ROBO2: variants seen among roughly 807,000 people sequenced by gnomAD.
The protein encoded by ROBO2 is roundabout homolog 2.
In ROBO2, 53 loss-of-function variants were observed where a neutral mutation model predicts 160.8. The observed-to-expected ratio is 0.33, with a 90% CI of 0.26 to 0.41. ROBO2 has a LOEUF of 0.41. Among genes scored for constraint, ROBO2 ranks in the 10% least tolerant of loss-of-function variants. ROBO2 has a pLI of 1.00. For missense variants in ROBO2, 1,577 were observed against 1,722.4 expected, an observed-to-expected ratio of 0.92 and a Z score of 1.49; for synonymous variants, 664 against 611.7, an observed-to-expected ratio of 1.09 and a Z score of -1.26.
At chr3:75,922,373 T>G (rs925447288) in intron 1 of ROBO2, among the ~76,000 whole-genome samples, 7 of 152,100 alleles carry the variant, frequency 4.6e-5, no homozygotes, top group Non-Finnish European at 1.0e-4. Flanking sequence ...ACAGAAAATT[T>G]TTTAAAAAAT....
At chr3:76,049,383 G>GTGTATGTATA (rs1440395230) in intron 2 of ROBO2, among the ~76,000 whole-genome samples, 2 of 36,812 alleles carry the variant, frequency 5.4e-5, no homozygotes, top group African/African-American at 1.1e-4. Flanking sequence ...GCTAATTTTA[G>GTGTATGTATA]TATATATATA....
intron 2 of ROBO2, among the ~76,000 whole-genome samples, chr3:77,439,197 A>T (rs2079644764): frequency 6.6e-6 from 1 of 152,096 alleles, no homozygotes; most frequent in Non-Finnish European, 1.5e-5. Flanking sequence ...TGTCCCTTAA[A>T]TTAATAGCAA....
At chr3:76,092,392 A>G (rs2069271925) in intron 2 of ROBO2, among the ~76,000 whole-genome samples, 1 of 152,180 alleles carries the variant, frequency 6.6e-6, no homozygotes, top group African/African-American at 2.4e-5. Flanking sequence ...CTTGATTCTA[A>G]ATAGCTAACC....
intron 2 of ROBO2, among the ~76,000 whole-genome samples, chr3:76,003,743 C>G (rs1324646970): frequency 6.6e-6 from 1 of 152,222 alleles, no homozygotes; most frequent in Non-Finnish European, 1.5e-5. Context: ...TTTAGCATTT[C>G]TGGGTTTTGG....
chr3:76,161,832 G>A (rs530014078), intron 2 of ROBO2, among the ~76,000 whole-genome samples: 1 of 152,186 alleles, frequency 6.6e-6, no homozygotes, highest in Non-Finnish European at 1.5e-5. Flanking sequence ...AATTCCACAA[G>A]AGGATGATTC....
At chr3:76,320,154 A>G (rs1314508327) in intron 2 of ROBO2, among the ~76,000 whole-genome samples, 1 of 152,096 alleles carries the variant, frequency 6.6e-6, no homozygotes, top group Non-Finnish European at 1.5e-5. Context: ...ATTAAGTAGG[A>G]TATTATCCAA....
At chr3:76,612,822 A>G (rs1008291802) in intron 2 of ROBO2, among the ~76,000 whole-genome samples, 1 of 152,218 alleles carries the variant, frequency 6.6e-6, no homozygotes, top group African/African-American at 2.4e-5. Context: ...CTTTATGATT[A>G]TATAACGATC....
At chr3:76,204,628 C>T (rs959825815) in intron 2 of ROBO2, among the ~76,000 whole-genome samples, 2 of 152,190 alleles carry the variant, frequency 1.3e-5, no homozygotes, top group African/African-American at 4.8e-5. Flanking sequence ...TGTGTTTGCT[C>T]TCCCACTTCT....
intron 2 of ROBO2, among the ~76,000 whole-genome samples, chr3:76,664,493 A>C (rs1162924967): frequency 6.6e-6 from 1 of 152,214 alleles, no homozygotes; most frequent in African/African-American, 2.4e-5. Context: ...CATACATAGG[A>C]AACGTCCAGA....
chr3:76,283,241 T>C (rs1708339740), intron 2 of ROBO2, among the ~76,000 whole-genome samples: 2 of 145,918 alleles, frequency 1.4e-5, no homozygotes, highest in South Asian at 4.4e-4. Context: ...GTCAGACATA[T>C]TTACGCTGTC....
At chr3:76,610,087 T>C (rs1462580932) in intron 2 of ROBO2, among the ~76,000 whole-genome samples, 1 of 152,184 alleles carries the variant, frequency 6.6e-6, no homozygotes, top group African/African-American at 2.4e-5. Context: ...TTTTTTAACG[T>C]GTTGTTAAAT....
intron 2 of ROBO2, among the ~76,000 whole-genome samples, chr3:77,279,282 A>T (rs2060093120): frequency 6.6e-6 from 1 of 152,082 alleles, no homozygotes. Flanking sequence ...TTTGAGTTTA[A>T]TACAGTGTAC....
rs557789762 is a variant in ROBO2, at chr3:77,392,105, T to C, written c.389-85309T>C. Among the ~76,000 whole-genome samples, 3 of 152,332 alleles carry C rather than the reference T, an allele frequency of 2.0e-5. No individual in the cohort carries two copies. In the East Asian group the frequency reaches 5.8e-4, roughly 29 times the overall value. The stretch of plus-strand genomic sequence containing the variant: ...AGGCTGGCATTTTAGTTTGGAAGTA[T>C]ATTCATCTATTCTTTGACTTCATAA... On this transcript the variant is annotated intron_variant, in intron 2 of 25. Transcript: ENST00000461745.
At chr3:76,683,668 A>G (rs2324657) in intron 2 of ROBO2, among the ~76,000 whole-genome samples, 86,660 of 151,834 alleles carry the variant, frequency 0.57, 26,214 homozygotes, top group East Asian at 0.78. Flanking sequence ...GATCTTATAT[A>G]CATTTGTTAG....
intron 2 of ROBO2, among the ~76,000 whole-genome samples, chr3:76,996,109 A>C (rs1407198179): frequency 1.3e-5 from 2 of 152,160 alleles, no homozygotes; most frequent in African/African-American, 2.4e-5. Flanking sequence ...TCTTTAATCC[A>C]TCTTGAATTA....
rs78180752 is a variant in ROBO2 at position 76,812,435 on chromosome 3, G to A, written c.110-285579G>A. Among the ~76,000 whole-genome samples the A allele has an allele frequency of 1.0e-3, 154 of 149,882 alleles. 2 individuals carry two copies. The East Asian group carries it at 0.029, about 28-fold the overall frequency. ...AGCATCGCAGCCCTTAGTTATCAGA[G>A]AGATTTGTAAATCTGGGAAGGATTT... On this transcript the variant is annotated intron_variant, in intron 2 of 26. Transcript: ENST00000487694.
exon 20 of ROBO2, chr3:77,602,232 C>A (rs763417919): frequency 2.5e-6 from 4 of 1,614,018 alleles, no homozygotes; most frequent in South Asian, 1.1e-5. Context: ...CAGTTCCAGG[C>A]CAAGGGGATA....
chr3:77,418,256 A>G (rs58159403), intron 2 of ROBO2, among the ~76,000 whole-genome samples: 6,556 of 152,182 alleles, frequency 0.043, 477 homozygotes, highest in African/African-American at 0.15. Context: ...TGCTTGAGCA[A>G]AAGTTTTCTT....
At chr3:77,175,522 C>A (rs1393778829) in intron 2 of ROBO2, among the ~76,000 whole-genome samples, 1 of 151,856 alleles carries the variant, frequency 6.6e-6, no homozygotes, top group Admixed American at 6.6e-5. Context: ...GTTGGATCTA[C>A]GTGTTAGCAA....
Sources: gnomAD v4.1 joint callset for allele counts (sites outside exome capture counted in the v4.1 genomes callset) on GRCh38, gnomAD v4.1.1 for gene constraint, MANE v1.5 for transcripts, NCBI Gene and HGNC (gene_info 2026-07-23, HGNC 2026-07-21) for gene names.